Variants in CHRNE observed in about 807,000 individuals in gnomAD.
The protein encoded by CHRNE is acetylcholine receptor subunit epsilon.
CHRNE carries 58 observed loss-of-function variants against 56.5 expected under a neutral mutation model. The ratio of observed to expected loss-of-function variants is 1.03; its 90% CI spans 0.83 to 1.28. CHRNE has a LOEUF of 1.28. CHRNE is among the 50% of genes most tolerant of loss of function. CHRNE has a pLI of 0.00. For missense variants in CHRNE, 793 were observed against 688.9 expected, an observed-to-expected ratio of 1.15 and a Z score of -1.69; for synonymous variants, 385 against 297.9, an observed-to-expected ratio of 1.29 and a Z score of -3.01.
rs978516236 is a variant in CHRNE at position 4,901,574 on chromosome 17, G to A, written c.552C>T (p.Asn184=). Residue 184 remains asparagine (N), a synonymous_variant, in exon 6 of 12, where the codon AAC becomes AAT. Coordinates refer to ENST00000649488, the MANE Select transcript of CHRNE (RefSeq NM_000080.4). ...CGATCTTGTTGATGGTCTTGCCGTC[G>A]TTGTCTACGGCAAAAGTGAACTCCA... is the stretch of plus-strand genomic sequence containing the variant. The part of the protein sequence containing the change: ...EEVEFTFAVD[N]DGKTINKIDI... 17 of 1,614,026 alleles carry A rather than the reference G, an allele frequency of 1.1e-5. No homozygotes were observed. The highest frequency in any genetic ancestry group is 2.2e-5 in the East Asian group (1 of 44,880).
upstream of CHRNE, among the ~76,000 whole-genome samples, chr17:4,904,535 G>C (rs1391813824): frequency 3.3e-5 from 5 of 152,108 alleles, no homozygotes; most frequent in Non-Finnish European, 7.3e-5. Context: ...GGAGGGGCTG[G>C]CCTAAGCATA....
At position 4,901,568 on chromosome 17, in the gene CHRNE, G is replaced by A. The variant is rs761643342; in HGVS notation, c.558C>T (p.Gly186=). Residue 186 remains glycine (G), a synonymous_variant, in exon 6 of 12, where the codon GGC becomes GGT. Transcript: ENST00000649488. ...CGATGTCGATCTTGTTGATGGTCTTGCCGTCGTTGTCTACGGCAAAAGTGA... is the reference window on the plus strand; with the variant it reads ...CGATGTCGATCTTGTTGATGGTCTTACCGTCGTTGTCTACGGCAAAAGTGA... ...VEFTFAVDND[G]KTINKIDIDT... 1.2e-6 allele frequency: 2 copies of A among 1,614,184 alleles called. No homozygotes were observed. The highest frequency in any genetic ancestry group is 1.7e-6 in the Non-Finnish European group (2 of 1,180,024).
Position 4,901,563 on chromosome 17 carries a change from G to A in CHRNE, c.563C>T (p.Thr188Ile). Reference protein sequence around the residue: ...FTFAVDNDGKTINKIDIDTEA... With the variant: ...FTFAVDNDGKIINKIDIDTEA... Reference sequence around the variant, plus strand: ...TGTGTCGATGTCGATCTTGTTGATGGTCTTGCCGTCGTTGTCTACGGCAAA... The same window carrying A: ...TGTGTCGATGTCGATCTTGTTGATGATCTTGCCGTCGTTGTCTACGGCAAA... The change falls in exon 6 of 12, where the codon ACC becomes ATC. Residue 188 changes from threonine to isoleucine, a missense_variant. Coordinates refer to ENST00000649488, the MANE Select transcript of CHRNE (RefSeq NM_000080.4). 6.2e-7 allele frequency: 1 copy of A among 1,614,176 alleles called. No homozygotes were observed. The highest frequency in any genetic ancestry group is 8.5e-7 in the Non-Finnish European group (1 of 1,180,018).
At position 4,902,180 on chromosome 17, in the gene CHRNE, G is replaced by T. The variant is rs753937939; in HGVS notation, c.344+37C>A. On this transcript the variant is annotated intron_variant, in intron 4 of 11. Coordinates refer to ENST00000649488, the MANE Select transcript of CHRNE (RefSeq NM_000080.4). This position sits in a 1 kb window ranked among gnomAD's most constrained non-coding sequence, Gnocchi z 4.0. Reference sequence around the variant, plus strand: ...CCAAGTCCAGCCCGCACCCCAGGCCGGCTTCCCTCCAGCCTGGCGTCTGGC... The same window carrying T: ...CCAAGTCCAGCCCGCACCCCAGGCCTGCTTCCCTCCAGCCTGGCGTCTGGC... The T allele has an allele frequency of 7.4e-6, 12 of 1,613,878 alleles. No homozygotes were observed. The highest frequency in any genetic ancestry group is 6.7e-5 in the Admixed American group (4 of 60,016).
rs1969983125 is a variant in CHRNE, at chr17:4,901,506, G to A, written c.601+19C>T. 4 of 1,611,768 alleles carry A rather than the reference G, an allele frequency of 2.5e-6. No homozygotes were observed. The highest frequency in any genetic ancestry group is 3.4e-6 in the Non-Finnish European group (4 of 1,177,962). Reference sequence around the variant, plus strand: ...ACCCCGTCTAGAAGCGGGTTTTTCTGAGCAGGCAGGGGCTTCACCAGTATA... The same window carrying A: ...ACCCCGTCTAGAAGCGGGTTTTTCTAAGCAGGCAGGGGCTTCACCAGTATA... On this transcript the variant is annotated intron_variant, in intron 6 of 11. Transcript: ENST00000649488.
At chr17:4,905,162 C>G (rs1310229373), upstream of CHRNE, among the ~76,000 whole-genome samples, 3 of 152,172 alleles carry the variant, frequency 2.0e-5, no homozygotes, top group African/African-American at 7.2e-5. Flanking sequence ...ATGACAGAGA[C>G]CTATCAACAG....
At chr17:4,899,798 G>A in intron 8 of CHRNE, 1 of 1,551,296 alleles carries the variant, frequency 6.4e-7, no homozygotes. Context: ...ACACCCTGAT[G>A]TGGATCTACC....
chr17:4,900,967 G>A (rs1480641132), intron 7 of CHRNE, 23 bp downstream of exon 7: 3 of 1,613,822 alleles, frequency 1.9e-6, no homozygotes. Context: ...GGGTTTGGGG[G>A]TAGGTTCGGG....
chr17:4,899,266 A>G lies in CHRNE; in HGVS notation c.1151T>C (p.Leu384Pro), dbSNP rs753397420. The G allele has an allele frequency of 1.9e-6, 3 of 1,603,196 alleles. No homozygotes were observed. The highest frequency in any genetic ancestry group is 2.5e-6 in the Non-Finnish European group (3 of 1,178,676). Reference protein sequence around the residue: ...SVGLLLRAEELILKKPRSELV... With the variant: ...SVGLLLRAEEPILKKPRSELV... ...CTCGCTCCGTGGCTTTTTCAGTATC[A>G]GCTCCTCCGCGCGGAGCAATAAGCC... Residue 384 changes from leucine to proline, a missense_variant, in exon 10 of 12, where the codon CTG (leucine) becomes CCG (proline). Leu to Pro is a moderately conservative substitution (Grantham distance 98, BLOSUM62 -3). Coordinates refer to ENST00000649488, the MANE Select transcript of CHRNE (RefSeq NM_000080.4).
Position 4,899,237 on chromosome 17 carries a change from C to CT in CHRNE, c.1179_1180insA (p.Val394SerfsTer3). ...TGCCGGTGCCTCTGCCCCTCAAACACGAGCTCGCTCCGTGGCTTTTTCAGT... is the reference window on the plus strand; with the variant it reads ...TGCCGGTGCCTCTGCCCCTCAAACACTGAGCTCGCTCCGTGGCTTTTTCAGT... On this transcript the variant is annotated frameshift_variant, in exon 10 of 12. Coordinates refer to ENST00000649488, the MANE Select transcript of CHRNE (RefSeq NM_000080.4). LOFTEE classifies it high-confidence loss of function. The CT allele has an allele frequency of 1.9e-6, 3 of 1,607,208 alleles. No individual in the cohort carries two copies. Among genetic ancestry groups the CT allele is most frequent in the Non-Finnish European group, 1.7e-6 (2 of 1,179,146 alleles).
Position 4,898,546 on chromosome 17 carries a change from C to T in CHRNE, c.*190G>A. The T allele has an allele frequency of 4.2e-6, 3 of 715,874 alleles. No homozygotes were observed. The highest frequency in any genetic ancestry group is 1.7e-5 in the South Asian group (1 of 57,226). The allele number at this position is 715,874 out of a possible 1,614,324, so 44.3% of individuals were successfully genotyped here. Reference sequence around the variant, plus strand: ...CCTGAGAGCCTATGTGAACCCTTTCCTCCTGCTGACCCCTGGACTGCGGCC... The same window carrying T: ...CCTGAGAGCCTATGTGAACCCTTTCTTCCTGCTGACCCCTGGACTGCGGCC... On this transcript the variant is annotated 3_prime_UTR_variant, in exon 12 of 12. Transcript: ENST00000649488.
intron 1 of CHRNE, among the ~76,000 whole-genome samples, chr17:4,908,112 G>A (rs1353130319): frequency 1.1e-4 from 16 of 151,964 alleles, no homozygotes; most frequent in African/African-American, 2.7e-4. Context: ...CAGAGGTTGC[G>A]GTGAGCCTAG....
chr17:4,903,789 C>A (rs529708514), upstream of CHRNE, among the ~76,000 whole-genome samples: 276 of 152,262 alleles, frequency 1.8e-3, 1 homozygote, highest in African/African-American at 6.1e-3. Flanking sequence ...ATCCTACTCT[C>A]CTAAACACAC....
rs111413308 is a variant in CHRNE at position 4,901,883 on chromosome 17, G to A, written c.500+49C>T. 6.9e-3 allele frequency: 8,331 copies of A among 1,215,460 alleles called. 444 individuals are homozygous for A. In the African/African-American group the frequency reaches 0.11, roughly 16 times the overall value. 75.3% of individuals were successfully genotyped at this position (1,215,460 alleles called of 1,614,324 possible). ...CTTCCCGGTTGGCCCCGCCCCATAAGGCCCCCCCCCAACAATAATCGTCCG... is the reference window on the plus strand; with the variant it reads ...CTTCCCGGTTGGCCCCGCCCCATAAAGCCCCCCCCCAACAATAATCGTCCG... On this transcript the variant is annotated intron_variant, in intron 5 of 11. Transcript: ENST00000649488.
chr17:4,902,298 C>A lies in CHRNE; in HGVS notation c.263G>T (p.Ser88Ile), dbSNP rs1178254839. The stretch of plus-strand genomic sequence containing the variant: ...TTCTATACCCCCAAAGTCGTCCTTG[C>A]TGTAGTTGAGTCGGTAATCCTGCCA... ...IDWQDYRLNY[S>I]KDDFGGIETL... is the part of the protein sequence containing the mutation. Residue 88 changes from serine (S) to isoleucine (I), a missense_variant, in exon 4 of 12, where the codon AGC (serine) becomes ATC (isoleucine). Physicochemically the swap from Ser to Ile is moderately radical, Grantham distance 142. Coordinates refer to ENST00000649488, the MANE Select transcript of CHRNE (RefSeq NM_000080.4). The surrounding 1 kb of genome is among the most constrained non-coding windows in gnomAD (Gnocchi z 4.0). The A allele has an allele frequency of 6.2e-7, 1 of 1,614,044 alleles. No homozygotes were observed. Among genetic ancestry groups the A allele is most frequent in the Non-Finnish European group, 8.5e-7 (1 of 1,180,036 alleles).
Position 4,901,086 on chromosome 17 carries a change from T to G in CHRNE, c.706A>C (p.Ile236Leu), listed in dbSNP as rs145522662. The change falls in exon 7 of 12, where the codon ATC becomes CTC. Residue 236 changes from isoleucine to leucine, a missense_variant. Ile to Leu is a conservative substitution (Grantham distance 5, BLOSUM62 2). Coordinates refer to ENST00000649488, the MANE Select transcript of CHRNE (RefSeq NM_000080.4). Reference sequence around the variant, plus strand: ...ACGTAGAAGAGCGGCTTCCGGCGGATGATGAGCGAGTAGATGACGTCAGTC... The same window carrying G: ...ACGTAGAAGAGCGGCTTCCGGCGGAGGATGAGCGAGTAGATGACGTCAGTC... ...GETDVIYSLIIRRKPLFYVIN... is the reference protein window; with the variant it reads ...GETDVIYSLILRRKPLFYVIN... 116 of 1,613,586 alleles carry G rather than the reference T, an allele frequency of 7.2e-5. 1 individual carries two copies. In the South Asian group the frequency reaches 9.9e-4, roughly 14 times the overall value.
At position 4,901,120 on chromosome 17, in the gene CHRNE, G is replaced by C; in HGVS notation, c.672C>G (p.Gly224=). Residue 224 remains glycine, a synonymous_variant, in exon 7 of 12, where the codon GGC becomes GGG. Coordinates refer to ENST00000649488, the MANE Select transcript of CHRNE (RefSeq NM_000080.4). ...AGTAGATGACGTCAGTCTCCCCTGG[G>C]CCGTCGGTGGCGCCACCGTGGTGGC... ...IRRHHGGATD[G]PGETDVIYSL... is the part of the protein sequence containing the mutation. 1 of 1,612,878 alleles carries C rather than the reference G, an allele frequency of 6.2e-7. No individual in the cohort carries two copies. The highest frequency in any genetic ancestry group is 8.5e-7 in the Non-Finnish European group (1 of 1,179,946).
Position 4,901,077 on chromosome 17 carries a change from T to G in CHRNE, c.715A>C (p.Lys239Gln), listed in dbSNP as rs746993242. The change falls in exon 7 of 12, where the codon AAG (lysine) becomes CAG (glutamine). Residue 239 changes from lysine (K) to glutamine (Q), a missense_variant. Physicochemically the swap from Lys to Gln is moderately conservative, Grantham distance 53 (BLOSUM62 1). Transcript: ENST00000649488. ...ATGTTAATGACGTAGAAGAGCGGCT[T>G]CCGGCGGATGATGAGCGAGTAGATG... ...DVIYSLIIRR[K>Q]PLFYVINIIV... 1.9e-6 allele frequency: 3 copies of G among 1,613,910 alleles called. No individual in the cohort carries two copies. The highest frequency in any genetic ancestry group is 1.1e-5 in the South Asian group (1 of 91,082).
rs902622502 is a variant in CHRNE at position 4,903,044 on chromosome 17, C to G, written c.20G>C (p.Gly7Ala). The G allele has an allele frequency of 1.9e-6, 3 of 1,613,882 alleles. No homozygotes were observed. The highest frequency in any genetic ancestry group is 2.5e-6 in the Non-Finnish European group (3 of 1,180,002). ...GAGAAGCCCCAAGAGGAGCAGGACC[C>G]CAAGCGGAGCCCTTGCCATCCTGCT... MARAPL[G>A]VLLLLGLLGR... Residue 7 changes from glycine to alanine, a missense_variant, in exon 1 of 12, where the codon GGG becomes GCG. By Grantham distance (60) the Gly-to-Ala change is moderately conservative. Transcript: ENST00000649488.
Sources: allele counts gnomAD v4.1 joint callset (sites outside exome capture counted in the v4.1 genomes callset), GRCh38; gene constraint gnomAD v4.1.1; non-coding constraint Gnocchi (gnomAD v3.1); transcripts MANE v1.5; gene names NCBI Gene and HGNC (gene_info 2026-07-23, HGNC 2026-07-21).